Variants in NTN4 observed in about 807,000 individuals in gnomAD.
NTN4 encodes netrin 4.
A neutral mutation model predicts 73.6 loss-of-function variants in NTN4; 32 were observed. The observed-to-expected ratio is 0.44, with a 90% confidence interval of 0.33 to 0.58. NTN4 has a LOEUF of 0.58. Among genes scored for constraint, NTN4 ranks in the 20% least tolerant of loss-of-function variants. NTN4 has a pLI of 0.04. For synonymous variants in NTN4, 258 were observed against 287.5 expected, an observed-to-expected ratio of 0.90 and a Z score of 1.04; for missense variants, 654 against 798.3, an observed-to-expected ratio of 0.82 and a Z score of 2.18.
At chr12:95,756,730 ACT>A (rs1433080386) in intron 2 of NTN4, among the ~76,000 whole-genome samples, 1 of 144,512 alleles carries the variant, frequency 6.9e-6, no homozygotes, top group Non-Finnish European at 1.5e-5. Flanking sequence ...ATCCTTCCCC[ACT>A]CTTTCTTCCT....
intron 7 of NTN4, 111 bp downstream of exon 7, chr12:95,682,596 G>C (rs1592661847): frequency 1.6e-6 from 1 of 641,342 alleles, no homozygotes; most frequent in Non-Finnish European, 2.8e-6. Flanking sequence ...TGAAACCCCA[G>C]AACTAAAGAG....
intron 7 of NTN4, 25 bp downstream of exon 7, chr12:95,682,682 T>C: frequency 2.0e-6 from 3 of 1,505,194 alleles, no homozygotes; most frequent in Non-Finnish European, 1.8e-6. Context: ...CCTGAAAATA[T>C]GATGCCTGGT....
chr12:95,786,585 G>A (rs1201555425), intron 2 of NTN4, among the ~76,000 whole-genome samples: 1 of 151,972 alleles, frequency 6.6e-6, no homozygotes, highest in East Asian at 1.9e-4. Flanking sequence ...ACCCGTGTGG[G>A]CTCCAGGAAC....
At chr12:95,725,573 C>T (rs868353870) in intron 3 of NTN4, among the ~76,000 whole-genome samples, 3 of 152,220 alleles carry the variant, frequency 2.0e-5, no homozygotes, top group Non-Finnish European at 2.9e-5. Flanking sequence ...ACAGCACTGT[C>T]TGATTGTCAC....
At chr12:95,734,715 T>C (rs1455162413) in intron 3 of NTN4, among the ~76,000 whole-genome samples, 1 of 152,180 alleles carries the variant, frequency 6.6e-6, no homozygotes, top group Non-Finnish European at 1.5e-5. Flanking sequence ...CAATGTGCAA[T>C]ATGCTCAGTG....
At chr12:95,714,498 G>A (rs2078591260) in intron 3 of NTN4, among the ~76,000 whole-genome samples, 1 of 151,762 alleles carries the variant, frequency 6.6e-6, no homozygotes, top group Non-Finnish European at 1.5e-5. Context: ...ACTATGCTAG[G>A]CCATGTTTGG....
At chr12:95,778,718 A>C (rs1055399207) in intron 2 of NTN4, among the ~76,000 whole-genome samples, 1 of 152,188 alleles carries the variant, frequency 6.6e-6, no homozygotes, top group Admixed American at 6.5e-5. Flanking sequence ...TCACAGCCGA[A>C]TTCTACCAGA....
intron 8 of NTN4, 81 bp downstream of exon 8, chr12:95,669,997 G>T: frequency 1.4e-6 from 1 of 730,294 alleles, no homozygotes; most frequent in Non-Finnish European, 2.3e-6. Flanking sequence ...AATGTCATCA[G>T]TCAGGCCTCC....
chr12:95,760,281 T>A (rs752145526), intron 2 of NTN4, among the ~76,000 whole-genome samples: 22 of 152,220 alleles, frequency 1.4e-4, no homozygotes. Context: ...AGGTGAACTA[T>A]TCCCAGACTC....
intron 3 of NTN4, among the ~76,000 whole-genome samples, chr12:95,717,373 T>A (rs1032122491): frequency 6.6e-6 from 1 of 152,148 alleles, no homozygotes; most frequent in Non-Finnish European, 1.5e-5. Flanking sequence ...GTTGGACAAG[T>A]CAATTCCCTC....
At chr12:95,674,107 G>A (rs2078255158) in intron 7 of NTN4, 1 of 152,086 alleles carries the variant, frequency 6.6e-6, no homozygotes, top group Non-Finnish European at 1.5e-5. Flanking sequence ...CAAGGCTGCA[G>A]TAAGCCATGA....
intron 2 of NTN4, among the ~76,000 whole-genome samples, chr12:95,749,860 G>A (rs1350941855): frequency 3.3e-5 from 5 of 150,248 alleles, no homozygotes; most frequent in Admixed American, 1.3e-4. Context: ...GGCAAGTCCC[G>A]CTTTTCTGGG....
Position 95,738,010 on chromosome 12 carries a change from G to T in NTN4, c.720C>A (p.Asp240Glu). The T allele has an allele frequency of 6.2e-7, 1 of 1,614,084 alleles. No individual in the cohort carries two copies. The highest frequency in any genetic ancestry group is 8.5e-7 in the Non-Finnish European group (1 of 1,180,000). The stretch of plus-strand genomic sequence containing the variant: ...TAAAATGTTGAGGCTCTTCGTTCAG[G>T]TCATTTCTCTGACAGGGACAAGACT... ...KRQSCPCQRN[D>E]LNEEPQHFTH... is the part of the protein sequence containing the mutation. The change falls in exon 3 of 10, where the codon GAC becomes GAA. Residue 240 changes from aspartate (D) to glutamate (E), a missense_variant. Asp to Glu is a conservative substitution (Grantham distance 45). Transcript: ENST00000343702.
At chr12:95,744,092 G>A (rs1793841792) in intron 2 of NTN4, among the ~76,000 whole-genome samples, 3 of 151,934 alleles carry the variant, frequency 2.0e-5, no homozygotes, top group Admixed American at 2.0e-4. Flanking sequence ...AGTAGAGATG[G>A]GGTTTCACTA....
At chr12:95,670,408 T>G (rs2078218394) in intron 7 of NTN4, 1 of 298,568 alleles carries the variant, frequency 3.3e-6, no homozygotes, top group South Asian at 1.1e-4. Flanking sequence ...TTGTAATTGA[T>G]GTTGTGATAA....
intron 2 of NTN4, among the ~76,000 whole-genome samples, chr12:95,760,635 G>A (rs986951111): frequency 2.0e-5 from 3 of 151,434 alleles, no homozygotes; most frequent in African/African-American, 4.9e-5. Context: ...CTCAGAGCAC[G>A]GTCTTGTGCT....
At chr12:95,771,588 A>G (rs1038492009) in intron 2 of NTN4, among the ~76,000 whole-genome samples, 4 of 152,138 alleles carry the variant, frequency 2.6e-5, no homozygotes, top group African/African-American at 9.7e-5. Context: ...GTACAATGCT[A>G]TATTTTAACT....
rs148021049 is a variant in NTN4, at chr12:95,710,560, C to A, written c.1061G>T (p.Arg354Leu). Residue 354 changes from arginine (R) to leucine (L), a missense_variant, in exon 5 of 10, where the codon CGT becomes CTT. By Grantham distance (102) the Arg-to-Leu change is moderately radical. Transcript: ENST00000343702. ...ACAGTCATCACAGACACCACCACTACGATTCCCTGATGCCTCCCACACATT... is the reference window on the plus strand; with the variant it reads ...ACAGTCATCACAGACACCACCACTAAGATTCCCTGATGCCTCCCACACATT... Reference protein sequence around the residue: ...DVNVWEASGNRSGGVCDDCQH... With the variant: ...DVNVWEASGNLSGGVCDDCQH... 3.7e-6 allele frequency: 6 copies of A among 1,614,046 alleles called. No individual in the cohort carries two copies. The Admixed American group carries it at 1.0e-4, about 27-fold the overall frequency.
chr12:95,769,550 C>A (rs1419967189), intron 2 of NTN4, among the ~76,000 whole-genome samples: 44 of 130,354 alleles, frequency 3.4e-4, no homozygotes, highest in South Asian at 4.7e-4. Flanking sequence ...ATTTATAGAC[C>A]AAAAAAAAAA....
Sources: allele counts gnomAD v4.1 joint callset (sites outside exome capture counted in the v4.1 genomes callset), GRCh38; gene constraint gnomAD v4.1.1; transcripts MANE v1.5; gene names NCBI Gene and HGNC (gene_info 2026-07-23, HGNC 2026-07-21).